Variants in ADGRL2 observed in about 807,000 individuals in gnomAD.
ADGRL2 encodes calcium-independent alpha-latrotoxin receptor 2.
ADGRL2 carries 44 observed loss-of-function variants against 157.4 expected under a neutral mutation model. That is an observed-to-expected ratio of 0.28 (90% CI 0.22 to 0.36). The LOEUF (loss-of-function observed/expected upper bound fraction) is 0.36, where lower values mean the gene tolerates loss of function less well. Among genes scored for constraint, ADGRL2 ranks in the 10% least tolerant of loss-of-function variants. The pLI is 1.00. For synonymous variants in ADGRL2, 585 were observed against 624.7 expected (o/e 0.94, Z 0.95); for missense variants, 1,510 against 1,768.9 (o/e 0.85, Z 2.63).
At chr1:81,718,935 C>T (rs1483201928) in intron 1 of ADGRL2, among the ~76,000 whole-genome samples, 1 of 152,174 alleles carries the variant, frequency 6.6e-6, no homozygotes, top group Non-Finnish European at 1.5e-5. Context: ...AAAAAGACAC[C>T]AGAGGCTTAA....
chr1:81,698,264 AG>A (rs2083485022), upstream of ADGRL2, among the ~76,000 whole-genome samples: 1 of 152,212 alleles, frequency 6.6e-6, no homozygotes, highest in Non-Finnish European at 1.5e-5. Context: ...TCTTAGAGGT[AG>A]TAATGTATTA....
chr1:81,944,122 G>A (rs1464105562), intron 6 of ADGRL2, among the ~76,000 whole-genome samples: 1 of 151,896 alleles, frequency 6.6e-6, no homozygotes, highest in Non-Finnish European at 1.5e-5. Flanking sequence ...ACTTCTTGGC[G>A]CCAGTGGTTA....
intron 2 of ADGRL2, among the ~76,000 whole-genome samples, chr1:81,476,308 A>G (rs371165474): frequency 6.0e-4 from 91 of 152,316 alleles, no homozygotes; most frequent in African/African-American, 2.1e-3. Context: ...GAACTTGACA[A>G]TATGATTGGT....
chr1:81,319,126 T>C (rs1660321081), intron 1 of ADGRL2, among the ~76,000 whole-genome samples: 1 of 151,224 alleles, frequency 6.6e-6, no homozygotes, highest in Non-Finnish European at 1.5e-5. Flanking sequence ...TTTTTTTTTT[T>C]AGTAGAGACG....
At chr1:81,960,108 T>C (rs12024435) in intron 11 of ADGRL2, among the ~76,000 whole-genome samples, 22,168 of 152,176 alleles carry the variant, frequency 0.15, 2,725 homozygotes, top group East Asian at 0.63. Context: ...CCAAGTATTT[T>C]TTCATTAAAA....
intron 1 of ADGRL2, among the ~76,000 whole-genome samples, chr1:81,721,315 A>G (rs1019521467): frequency 1.3e-5 from 2 of 152,132 alleles, no homozygotes; most frequent in African/African-American, 4.8e-5. Context: ...AGGCTTTATG[A>G]TGGTATCAAA....
chr1:81,625,376 C>G (rs12024094), intron 3 of ADGRL2, among the ~76,000 whole-genome samples: 2 of 152,080 alleles, frequency 1.3e-5, no homozygotes, highest in East Asian at 3.9e-4. Context: ...ATATTTAACA[C>G]GTGACAAAGA....
intron 3 of ADGRL2, among the ~76,000 whole-genome samples, chr1:81,581,905 C>A (rs1010718879): frequency 1.2e-3 from 189 of 151,822 alleles, no homozygotes; most frequent in Non-Finnish European, 1.1e-3. Context: ...CACACACACA[C>A]ACACACCCCT....
intron 1 of ADGRL2, among the ~76,000 whole-genome samples, chr1:81,392,096 G>A (rs2076569865): frequency 6.6e-6 from 1 of 151,990 alleles, no homozygotes; most frequent in Admixed American, 6.6e-5. Context: ...TGTCCATACT[G>A]TCAACCATTA....
At chr1:81,744,741 A>G (rs1026889681) in intron 1 of ADGRL2, among the ~76,000 whole-genome samples, 9 of 152,152 alleles carry the variant, frequency 5.9e-5, no homozygotes, top group African/African-American at 1.9e-4. Flanking sequence ...TCATGAAAAT[A>G]GAGTGGAAGA....
chr1:81,745,650 A>C (rs1182784267), intron 1 of ADGRL2, among the ~76,000 whole-genome samples: 3 of 152,230 alleles, frequency 2.0e-5, no homozygotes, highest in African/African-American at 4.8e-5. Flanking sequence ...CCTTGAATAT[A>C]AATTTATGTG....
At chr1:81,660,796 A>G (rs570118463) in intron 3 of ADGRL2, among the ~76,000 whole-genome samples, 101 of 152,314 alleles carry the variant, frequency 6.6e-4, no homozygotes, top group African/African-American at 2.4e-3. Context: ...AATGAATTTG[A>G]TCAAAAATAT....
At chr1:81,435,004 T>G (rs890788984) in intron 1 of ADGRL2, among the ~76,000 whole-genome samples, 4 of 152,184 alleles carry the variant, frequency 2.6e-5, no homozygotes, top group African/African-American at 9.7e-5. Flanking sequence ...TTAATAAAAA[T>G]GTACCAGTCC....
intron 3 of ADGRL2, chr1:81,588,188 GC>G (rs2081064781): frequency 6.6e-6 from 1 of 152,224 alleles, no homozygotes; most frequent in Middle Eastern, 3.4e-3. Context: ...CACAGAGTTA[GC>G]TCCTCTTATC....
chr1:81,779,427 T>G (rs2086724479), intron 2 of ADGRL2, among the ~76,000 whole-genome samples: 1 of 152,162 alleles, frequency 6.6e-6, no homozygotes, highest in South Asian at 2.1e-4. Context: ...TGTCTTCAAC[T>G]TAAAAAAAAT....
chr1:81,503,150 G>C, intron 2 of ADGRL2: 2 of 1,614,176 alleles, frequency 1.2e-6, no homozygotes, highest in South Asian at 1.1e-5. Context: ...GCCTTCCAGC[G>C]CAACTTTTTC....
intron 2 of ADGRL2, among the ~76,000 whole-genome samples, chr1:81,892,262 A>G (rs1162283861): frequency 2.6e-5 from 4 of 152,108 alleles, no homozygotes; most frequent in Admixed American, 2.0e-4. Flanking sequence ...TTTTCACTGT[A>G]AAATAGTTAC....
At chr1:81,561,445 T>G (rs1364344885) in intron 2 of ADGRL2, among the ~76,000 whole-genome samples, 2 of 151,594 alleles carry the variant, frequency 1.3e-5, no homozygotes, top group South Asian at 4.2e-4. Context: ...TGTTCTGTTT[T>G]TTTTTGTTGT....
chr1:81,920,471 C>T (rs1214345836), intron 3 of ADGRL2, among the ~76,000 whole-genome samples: 1 of 152,138 alleles, frequency 6.6e-6, no homozygotes, highest in African/African-American at 2.4e-5. Context: ...ACAGCTGAGT[C>T]ACTCCACAGG....
Sources: gnomAD v4.1 joint callset for allele counts (sites outside exome capture counted in the v4.1 genomes callset) on GRCh38, gnomAD v4.1.1 for gene constraint, MANE v1.5 for transcripts, NCBI Gene and HGNC (gene_info 2026-07-23, HGNC 2026-07-21) for gene names.